The following PITPNM2 variants were observed in gnomAD, a reference collection of about 807,000 sequenced individuals.
PITPNM2 encodes phosphatidylinositol transfer protein membrane associated 2.
In PITPNM2, 35 loss-of-function variants were observed where a neutral mutation model predicts 132.2. The observed-to-expected ratio is 0.26, with a 90% CI of 0.20 to 0.35. PITPNM2 has a LOEUF of 0.35. Among genes scored for constraint, PITPNM2 ranks in the 10% least tolerant of loss-of-function variants. PITPNM2 has a pLI of 1.00. For synonymous variants in PITPNM2, 738 were observed against 799.2 expected, an observed-to-expected ratio of 0.92 and a Z score of 1.29; for missense variants, 1,332 against 1,912.0, an observed-to-expected ratio of 0.70 and a Z score of 5.66.
At position 123,009,948 on chromosome 12, in the gene PITPNM2, T is replaced by C; in HGVS notation, c.545A>G (p.Lys182Arg). Residue 182 changes from lysine to arginine, a missense_variant, in exon 6 of 26, where the codon AAG (lysine) becomes AGG (arginine). By Grantham distance (26) the Lys-to-Arg change is conservative (BLOSUM62 2). Around this residue, in one of 6 missense-constraint regions of PITPNM2, gnomAD observed 122 missense variants for 209.6 expected, o/e 0.58. Transcript: ENST00000320201. The surrounding 1 kb of genome is among the most constrained non-coding windows in gnomAD (Gnocchi z 4.8). Reference protein sequence around the residue: ...LSENWIEEYKKQVFPIMCAYK... With the variant: ...LSENWIEEYKRQVFPIMCAYK... Reference sequence around the variant, plus strand: ...TGCGCACATGATGGGGAAGACCTGCTTCTTGTACTCCTCGATCCAGTTCTC... The same window carrying C: ...TGCGCACATGATGGGGAAGACCTGCCTCTTGTACTCCTCGATCCAGTTCTC... The C allele has an allele frequency of 6.2e-7, 1 of 1,614,244 alleles. No homozygotes were observed.
At position 123,056,708 on chromosome 12, in the gene PITPNM2, C is replaced by T. The variant is rs2041040254; in HGVS notation, c.-95-22023G>A. ...CACTGGACACTGTCCCTGTCCTCTC[C>T]CGGGATGCCCCAGGCCAGGGGCTGG... is the stretch of plus-strand genomic sequence containing the variant. On this transcript the variant is annotated intron_variant, in intron 2 of 25. Coordinates refer to ENST00000320201, the MANE Select transcript of PITPNM2 (RefSeq NM_020845.3). Among the ~76,000 whole-genome samples the T allele has an allele frequency of 2.0e-5, 3 of 152,220 alleles. No homozygotes were observed. In the South Asian group the frequency reaches 6.2e-4, roughly 31 times the overall value.
chr12:123,029,496 G>T (rs1485461680), intron 3 of PITPNM2, among the ~76,000 whole-genome samples: 3 of 152,170 alleles, frequency 2.0e-5, no homozygotes, highest in Non-Finnish European at 4.4e-5. Flanking sequence ...TGAGGCAGAG[G>T]AATCGCTTAA....
chr12:123,015,501 G>A (rs2039386833), intron 3 of PITPNM2, among the ~76,000 whole-genome samples: 1 of 152,110 alleles, frequency 6.6e-6, no homozygotes, highest in Non-Finnish European at 1.5e-5. Flanking sequence ...ACATGTAAAA[G>A]AATGAAGCTG....
In PITPNM2 at chr12:122,987,536, C is replaced by T; in HGVS notation, c.3238G>A (p.Val1080Ile). 6.2e-7 allele frequency: 1 copy of T among 1,613,660 alleles called. No individual in the cohort carries two copies. Among genetic ancestry groups the T allele is most frequent in the Non-Finnish European group, 8.5e-7 (1 of 1,179,814 alleles). Residue 1080 changes from valine to isoleucine, a missense_variant, in exon 22 of 26, where the codon GTC (valine) becomes ATC (isoleucine). Around this residue, in one of 6 missense-constraint regions of PITPNM2, gnomAD observed 251 missense variants for 472.0 expected, o/e 0.53. Transcript: ENST00000320201. ...CTGACCACCATCTTGATAGGGTAGA[C>T]ACCCACGCCCAGGCGGTGCGACTCA... ...IPESHRLGVG[V>I]YPIKMVVRGD... is the part of the protein sequence containing the mutation.
At chr12:123,035,299 T>G (rs114695563) in intron 2 of PITPNM2, among the ~76,000 whole-genome samples, 267 of 152,296 alleles carry the variant, frequency 1.8e-3, no homozygotes, top group African/African-American at 6.3e-3. Flanking sequence ...AAGCAGAGAG[T>G]GTGCTCATAG....
At chr12:123,045,165 A>T (rs755704062) in intron 2 of PITPNM2, among the ~76,000 whole-genome samples, 1 of 152,168 alleles carries the variant, frequency 6.6e-6, no homozygotes, top group African/African-American at 2.4e-5. Context: ...CACCATCAGC[A>T]TTCAAACATG....
intron 1 of PITPNM2, among the ~76,000 whole-genome samples, chr12:123,122,417 G>C (rs910938674): frequency 6.6e-6 from 1 of 152,092 alleles, no homozygotes; most frequent in African/African-American, 2.4e-5. Context: ...AGCCAAGATC[G>C]TGTCATTGCA....
intron 2 of PITPNM2, among the ~76,000 whole-genome samples, chr12:123,049,817 T>C (rs1592973615): frequency 6.6e-6 from 1 of 152,190 alleles, no homozygotes; most frequent in African/African-American, 2.4e-5. Flanking sequence ...GATAACACCT[T>C]TCATTTGTCT....
rs1329183021 is a variant in PITPNM2, at chr12:122,985,950, GC to G, written c.*76del. The G allele has an allele frequency of 7.8e-7, 1 of 1,283,054 alleles. No individual in the cohort carries two copies. Among genetic ancestry groups the G allele is most frequent in the African/African-American group, 1.6e-5 (1 of 63,218 alleles). The allele number at this position is 1,283,054 out of a possible 1,614,324, so 79.5% of individuals were successfully genotyped here. A position where few individuals can be genotyped will look rare whatever the true frequency, so the allele number is the denominator to read the frequency against. ...CTCCCAGGCCCACGTCAGTGCGTGT[GC>G]CCAGGCCAGGCCTCCTGGCGGGGCT... On this transcript the variant is annotated 3_prime_UTR_variant, in exon 26 of 26. Coordinates refer to ENST00000320201, the MANE Select transcript of PITPNM2 (RefSeq NM_020845.3).
rs916726061 is a variant in PITPNM2, at chr12:122,985,047, A to C, written c.*980T>G. The C allele has an allele frequency of 6.6e-6, 1 of 152,508 alleles. No homozygotes were observed. The highest frequency in any genetic ancestry group is 1.5e-5 in the Non-Finnish European group (1 of 68,056). 9.4% of individuals were successfully genotyped at this position (152,508 alleles called of 1,614,324 possible). On this transcript the variant is annotated 3_prime_UTR_variant, in exon 26 of 26. Transcript: ENST00000320201. Reference sequence around the variant, plus strand: ...GAAATTCAGTGGGATTGCCGGGGCCAGGTGAGGCAAGGAGCCCATGCCTCG... The same window carrying C: ...GAAATTCAGTGGGATTGCCGGGGCCCGGTGAGGCAAGGAGCCCATGCCTCG...
At chr12:123,118,370 A>T (rs2042969219) in intron 1 of PITPNM2, among the ~76,000 whole-genome samples, 1 of 152,166 alleles carries the variant, frequency 6.6e-6, no homozygotes, top group South Asian at 2.1e-4. Context: ...TAGGCTCACC[A>T]CATTTTCCCA....
chr12:123,021,886 G>A (rs1169368624), intron 3 of PITPNM2: 1 of 196,152 alleles, frequency 5.1e-6, no homozygotes, highest in Admixed American at 6.5e-5. Flanking sequence ...TGGCTAGGTT[G>A]TTGAGAAAAT....
At chr12:122,991,690 G>T in intron 16 of PITPNM2, 9 of 1,279,804 alleles carry the variant, frequency 7.0e-6, no homozygotes, top group Non-Finnish European at 8.9e-6. Flanking sequence ...TGGATTGGGG[G>T]GTGTCCCTGA....
At chr12:123,063,152 C>T (rs1210246323) in intron 2 of PITPNM2, among the ~76,000 whole-genome samples, 8 of 152,236 alleles carry the variant, frequency 5.3e-5, no homozygotes, top group Non-Finnish European at 1.5e-5. Context: ...CCTGTGTTTC[C>T]AGGCCTGTGA....
In PITPNM2 at chr12:123,095,943, T is replaced by A. The variant is rs2137164934; in HGVS notation, c.-96+14442A>T. Among the ~76,000 whole-genome samples the A allele has an allele frequency of 6.6e-6, 1 of 152,346 alleles. No homozygotes were observed. The highest frequency in any genetic ancestry group is 6.5e-5 in the Admixed American group (1 of 15,310). ...AGGCTTGGCACTATCGTAAGGATCATCACCGCCCATGACTGATGCCTGTGA... is the reference window on the plus strand; with the variant it reads ...AGGCTTGGCACTATCGTAAGGATCAACACCGCCCATGACTGATGCCTGTGA... On this transcript the variant is annotated intron_variant, in intron 2 of 25. Transcript: ENST00000320201. This position sits in a 1 kb window ranked among gnomAD's most constrained non-coding sequence, Gnocchi z 5.0.
At chr12:123,048,098 CAAA>C (rs1306453044) in intron 2 of PITPNM2, among the ~76,000 whole-genome samples, 5 of 73,484 alleles carry the variant, frequency 6.8e-5, no homozygotes, top group Admixed American at 1.7e-4. Flanking sequence ...GACTCCATCT[CAAA>C]AAAAAAAAAA....
At chr12:123,093,357 T>A (rs1268141235) in intron 2 of PITPNM2, among the ~76,000 whole-genome samples, 1 of 152,202 alleles carries the variant, frequency 6.6e-6, no homozygotes. Flanking sequence ...GTGGTGTTCA[T>A]TATACAACTC....
chr12:123,075,374 G>T (rs1199954659), intron 2 of PITPNM2, among the ~76,000 whole-genome samples: 1 of 152,214 alleles, frequency 6.6e-6, no homozygotes, highest in African/African-American at 2.4e-5. Flanking sequence ...TCTCTGACCC[G>T]CATCAGAGCG....
Position 123,111,706 on chromosome 12 carries a change from C to G in PITPNM2, c.-199-1218G>C, listed in dbSNP as rs1177201595. Among the ~76,000 whole-genome samples, 4 of 152,210 alleles carry G rather than the reference C, an allele frequency of 2.6e-5. No individual in the cohort carries two copies. Among genetic ancestry groups the G allele is most frequent in the Non-Finnish European group, 5.9e-5 (4 of 68,030 alleles). On this transcript the variant is annotated intron_variant, in intron 1 of 25. Transcript: ENST00000320201. This position sits in a 1 kb window ranked among gnomAD's most constrained non-coding sequence, Gnocchi z 4.1. ...CTGAGGCTCCATCGCTGTCCTGCCC[C>G]AGCCCCTTGTCTCCACGGCTGCATG...
Sources: gnomAD v4.1 joint callset for allele counts (sites outside exome capture counted in the v4.1 genomes callset) on GRCh38, gnomAD v4.1.1 for gene constraint, gnomAD v4.1.1 regional missense constraint, Gnocchi (gnomAD v3.1) non-coding constraint, MANE v1.5 for transcripts, NCBI Gene and HGNC (gene_info 2026-07-23, HGNC 2026-07-21) for gene names.